USP42: variants seen among roughly 807,000 people sequenced by gnomAD.
The protein encoded by USP42 is ubiquitin specific peptidase 42.
Under a neutral mutation model 113.0 loss-of-function variants are expected in USP42, and 23 were observed. The observed-to-expected ratio is 0.20, with a 90% CI of 0.15 to 0.29. USP42 has a LOEUF of 0.29. Ranked by LOEUF, USP42 falls within the 10% of genes least tolerant of loss-of-function variation. The pLI is 1.00. For synonymous variants in USP42, 933 were observed against 699.0 expected, an observed-to-expected ratio of 1.33 and a Z score of -5.28; for missense variants, 2,174 against 1,779.8, an observed-to-expected ratio of 1.22 and a Z score of -3.99.
rs1180605354 is a variant in USP42, at chr7:6,158,744, G to T, written c.3944-706G>T. Among the ~76,000 whole-genome samples, 1 of 152,192 alleles carries T rather than the reference G, an allele frequency of 6.6e-6. No individual in the cohort carries two copies. Among genetic ancestry groups the T allele is most frequent in the African/African-American group, 2.4e-5 (1 of 41,452 alleles). On this transcript the variant is annotated intron_variant, in intron 16 of 17. Transcript: ENST00000306177. The surrounding 1 kb of genome is among the most constrained non-coding windows in gnomAD (Gnocchi z 4.2). The stretch of plus-strand genomic sequence containing the variant: ...TTCAGCGAATCGGGGAAGGAGATTC[G>T]TGAGGGCTGCTTGGTACCCGAGGAT...
At chr7:6,092,748 G>A in the USP42 span, among the ~76,000 whole-genome samples, 1 of 151,176 alleles carries the variant, frequency 6.6e-6, no homozygotes, top group East Asian at 1.9e-4. Flanking sequence ...CTAAAAACAA[G>A]CTGGGTCTAA....
At chr7:6,082,100 C>T in the USP42 span, among the ~76,000 whole-genome samples, 1 of 150,290 alleles carries the variant, frequency 6.7e-6, no homozygotes, top group African/African-American at 2.4e-5. Context: ...TGTATGTATG[C>T]AGAAAATATA....
chr7:6,154,884 G>A lies in USP42; in HGVS notation c.3330G>A (p.Glu1110=), dbSNP rs1470517084. 1 of 1,535,106 alleles carries A rather than the reference G, an allele frequency of 6.5e-7. No individual in the cohort carries two copies. Residue 1110 remains glutamate, a synonymous_variant, in exon 15 of 18, where the codon GAG becomes GAA. Transcript: ENST00000306177. ...RRGCEPARER[E]RHRPSSPRAG... ...GCTGCGAGCCGGCCCGGGAGAGGGA[G>A]CGGCACCGCCCCAGCAGCCCCCGCG...
Position 6,139,477 on chromosome 7 carries a change from T to C in USP42, c.656+283T>C. 1 of 283,334 alleles carries C rather than the reference T, an allele frequency of 3.5e-6. No individual in the cohort carries two copies. Among genetic ancestry groups the C allele is most frequent in the East Asian group, 7.6e-5 (1 of 13,088 alleles). 17.6% of individuals were successfully genotyped at this position (283,334 alleles called of 1,614,324 possible). On this transcript the variant is annotated intron_variant, in intron 5 of 17. Transcript: ENST00000306177. The surrounding 1 kb of genome is among the most constrained non-coding windows in gnomAD (Gnocchi z 4.5). ...TAATTTCTCATTATCAGCAGACGTC[T>C]GCAGATCTCAAACTAGCTGCTTCTC... is the stretch of plus-strand genomic sequence containing the variant.
chr7:6,157,191 C>T lies in USP42; in HGVS notation c.3943+136C>T. On this transcript the variant is annotated intron_variant, in intron 16 of 17. Transcript: ENST00000306177. The surrounding 1 kb of genome is among the most constrained non-coding windows in gnomAD (Gnocchi z 4.1). ...AGTTACTCAGAGCACCCCTGCCCTG[C>T]CTGGTCTGGCCTCAGTGCTCATCCC... 2.1e-6 allele frequency: 3 copies of T among 1,431,184 alleles called. No individual in the cohort carries two copies. The South Asian group carries it at 4.6e-5, about 22-fold the overall frequency. 88.7% of individuals were successfully genotyped at this position (1,431,184 alleles called of 1,614,324 possible).
In USP42 at chr7:6,156,780, C is replaced by T. The variant is rs202194940; in HGVS notation, c.3668C>T (p.Ala1223Val). ...CATCAGCAGGACTCAGACCTCTCAGCAGCGTGCTCTGACGCTGACCTCCAC... is the reference window on the plus strand; with the variant it reads ...CATCAGCAGGACTCAGACCTCTCAGTAGCGTGCTCTGACGCTGACCTCCAC... ...SRHQQDSDLSAACSDADLHRH... is the reference protein window; with the variant it reads ...SRHQQDSDLSVACSDADLHRH... Residue 1223 changes from alanine (A) to valine (V), a missense_variant, in exon 16 of 18, where the codon GCA becomes GTA. Transcript: ENST00000306177. 2.0e-5 allele frequency: 31 copies of T among 1,573,554 alleles called. No homozygotes were observed. In the Admixed American group the frequency reaches 5.4e-4, roughly 28 times the overall value.
At chr7:6,122,741 A>C (rs1434040738) in intron 3 of USP42, among the ~76,000 whole-genome samples, 2 of 151,992 alleles carry the variant, frequency 1.3e-5, no homozygotes, top group East Asian at 3.9e-4. Flanking sequence ...AAGTGCTGGG[A>C]TTACAGGCGT....
the USP42 span, among the ~76,000 whole-genome samples, chr7:6,096,470 A>G: frequency 6.6e-6 from 1 of 151,274 alleles, no homozygotes; most frequent in African/African-American, 2.5e-5. Context: ...TGTGATGGGA[A>G]TGAAGCTATA....
At position 6,161,166 on chromosome 7, in the gene USP42, C is replaced by T. The variant is rs1466449743; in HGVS notation, c.*648C>T. On this transcript the variant is annotated 3_prime_UTR_variant, in exon 18 of 18. Coordinates refer to ENST00000306177, the MANE Select transcript of USP42 (RefSeq NM_032172.3). ...GTATTTACATTATGAATGTATAACC[C>T]AGACATGATTTGTAAAGCCGACAGT... 2 of 152,554 alleles carry T rather than the reference C, an allele frequency of 1.3e-5. No individual in the cohort carries two copies. Among genetic ancestry groups the T allele is most frequent in the Non-Finnish European group, 2.9e-5 (2 of 68,040 alleles). The allele number at this position is 152,554 out of a possible 1,614,324, so 9.5% of individuals were successfully genotyped here. A position where few individuals can be genotyped will look rare whatever the true frequency, so the allele number is the denominator to read the frequency against.
At position 6,150,170 on chromosome 7, in the gene USP42, C is replaced by G. The variant is rs546255931; in HGVS notation, c.1974C>G (p.Asn658Lys). 8.6e-5 allele frequency: 138 copies of G among 1,613,794 alleles called. No individual in the cohort carries two copies. Among genetic ancestry groups the G allele is most frequent in the Admixed American group, 1.3e-4 (8 of 59,990 alleles). Residue 658 changes from asparagine to lysine, a missense_variant, in exon 13 of 18, where the codon AAC becomes AAG. Physicochemically the swap from Asn to Lys is moderately conservative, Grantham distance 94. Coordinates refer to ENST00000306177, the MANE Select transcript of USP42 (RefSeq NM_032172.3). The part of the protein sequence containing the change: ...PHELQEPMTL[N>K]GANSADSDSD... ...AGCTTCAAGAACCCATGACCCTAAA[C>G]GGTGCTAATAGTGCAGACAGCGACA...
the USP42 span, among the ~76,000 whole-genome samples, chr7:6,088,082 T>C: frequency 6.6e-6 from 1 of 150,918 alleles, no homozygotes; most frequent in Non-Finnish European, 1.5e-5. Context: ...GGAGGATTGC[T>C]TGAGGCCAGG....
intron 2 of USP42, among the ~76,000 whole-genome samples, chr7:6,113,601 C>T (rs1340264012): frequency 6.6e-6 from 1 of 152,026 alleles, no homozygotes; most frequent in African/African-American, 2.4e-5. Context: ...GGCATCTCAG[C>T]CTTTTGGTTT....
rs755659929 is a variant in USP42, at chr7:6,149,725, C to A, written c.1529C>A (p.Ser510Tyr). Residue 510 changes from serine to tyrosine, a missense_variant, in exon 13 of 18, where the codon TCC becomes TAC. Ser to Tyr is a moderately radical substitution (Grantham distance 144). Transcript: ENST00000306177. Reference sequence around the variant, plus strand: ...GTCCAAAACTGGTCAGTTAATAGGTCCTCAGTGATCCCAGAACATCCTAAG... The same window carrying A: ...GTCCAAAACTGGTCAGTTAATAGGTACTCAGTGATCCCAGAACATCCTAAG... Reference protein sequence around the residue: ...ASVQNWSVNRSSVIPEHPKKQ... With the variant: ...ASVQNWSVNRYSVIPEHPKKQ... 1 of 1,613,804 alleles carries A rather than the reference C, an allele frequency of 6.2e-7. No individual in the cohort carries two copies. The highest frequency in any genetic ancestry group is 1.3e-5 in the African/African-American group (1 of 74,886).
intron 12 of USP42, 51 bp from the exon 13 acceptor site, chr7:6,149,532 G>T: frequency 6.5e-7 from 1 of 1,549,418 alleles, no homozygotes; most frequent in Non-Finnish European, 8.7e-7. Context: ...GGTTCTGTTT[G>T]TGTGACCATG....
chr7:6,149,241 G>A (rs10254689), intron 12 of USP42, among the ~76,000 whole-genome samples: 9,042 of 152,110 alleles, frequency 0.059, 377 homozygotes, highest in African/African-American at 0.11. Context: ...CTGCATCAGC[G>A]AGCTCCCAGG....
intron 9 of USP42, among the ~76,000 whole-genome samples, chr7:6,145,010 C>T (rs1781632604): frequency 6.6e-6 from 1 of 152,098 alleles, no homozygotes; most frequent in Non-Finnish European, 1.5e-5. Context: ...CACTTAGATT[C>T]CGCTATCCTC....
intron 1 of USP42, among the ~76,000 whole-genome samples, chr7:6,106,726 A>G (rs938247740): frequency 1.3e-4 from 19 of 147,740 alleles, no homozygotes; most frequent in African/African-American, 4.6e-4. Context: ...CACCACACCC[A>G]GCTAATTTTT....
Position 6,155,010 on chromosome 7 carries a change from C to A in USP42, c.3456C>A (p.His1152Gln), listed in dbSNP as rs200300286. Residue 1152 changes from histidine (H) to glutamine (Q), a missense_variant, in exon 15 of 18, where the codon CAC (histidine) becomes CAA (glutamine). His to Gln is a conservative substitution (Grantham distance 24). Transcript: ENST00000306177. Reference protein sequence around the residue: ...GDNCNLSDRFHEHENGKSRKR... With the variant: ...GDNCNLSDRFQEHENGKSRKR... ...ACTGTAACCTCTCTGATCGGTTTCA[C>A]GAACACGAAAATGGAAAGTCCCGGA... is the stretch of plus-strand genomic sequence containing the variant. The A allele has an allele frequency of 7.2e-4, 1,121 of 1,565,046 alleles. 5 individuals are homozygous for A. In the Middle Eastern group the frequency reaches 0.014, roughly 19 times the overall value.
Position 6,154,251 on chromosome 7 carries a change from G to T in USP42, c.2697G>T (p.Pro899=), listed in dbSNP as rs1241172845. The part of the protein sequence containing the change: ...SLGAPEAAER[P]PAPVLDMAPA... The stretch of plus-strand genomic sequence containing the variant: ...GCGCACCCGAGGCCGCAGAGCGGCC[G>T]CCAGCTCCTGTGCTGGACATGGCCC... Residue 899 remains proline (P), a synonymous_variant, in exon 15 of 18, where the codon CCG becomes CCT. Transcript: ENST00000306177. 1.9e-6 allele frequency: 3 copies of T among 1,604,228 alleles called. No individual in the cohort carries two copies. Among genetic ancestry groups the T allele is most frequent in the Admixed American group, 3.4e-5 (2 of 59,108 alleles).
Sources: gnomAD v4.1 joint callset for allele counts (sites outside exome capture counted in the v4.1 genomes callset) on GRCh38, gnomAD v4.1.1 for gene constraint, Gnocchi (gnomAD v3.1) non-coding constraint, MANE v1.5 for transcripts, NCBI Gene and HGNC (gene_info 2026-07-23, HGNC 2026-07-21) for gene names.